Variants in UBE2R2 observed in about 807,000 individuals in gnomAD.
UBE2R2 encodes the protein ubiquitin conjugating enzyme E2 R2, also known as ubiquitin-conjugating enzyme E2 R2.
In UBE2R2, 1 loss-of-function variant was observed where a neutral mutation model predicts 27.8. The observed-to-expected ratio is 0.04, with a 90% confidence interval of 0.01 to 0.17. UBE2R2 has a LOEUF of 0.17. UBE2R2 is among the 10% of genes least tolerant of loss of function. The pLI, the probability that UBE2R2 is intolerant of heterozygous loss-of-function variation, is 1.00. For missense variants in UBE2R2, 100 were observed against 291.0 expected, an observed-to-expected ratio of 0.34 and a Z score of 4.78; for synonymous variants, 106 against 113.3, an observed-to-expected ratio of 0.94 and a Z score of 0.41.
chr9:33,882,814 G>A (rs922918446), intron 1 of UBE2R2, among the ~76,000 whole-genome samples: 8 of 152,132 alleles, frequency 5.3e-5, no homozygotes, highest in African/African-American at 1.7e-4. Context: ...TTGTGCCGAG[G>A]ATAGTGGCTG....
At chr9:33,824,450 C>T (rs1587423651) in intron 1 of UBE2R2, among the ~76,000 whole-genome samples, 1 of 151,972 alleles carries the variant, frequency 6.6e-6, no homozygotes, top group South Asian at 2.1e-4. Flanking sequence ...TCCTGGCTAA[C>T]GTGGTGAAAC....
intron 3 of UBE2R2, among the ~76,000 whole-genome samples, chr9:33,902,196 G>A (rs967558978): frequency 1.1e-4 from 17 of 152,126 alleles, no homozygotes; most frequent in African/African-American, 3.4e-4. Flanking sequence ...TTATAGGTGT[G>A]CCCCAAAGCA....
intron 1 of UBE2R2, among the ~76,000 whole-genome samples, chr9:33,819,555 T>C (rs1322104498): frequency 6.6e-6 from 1 of 152,236 alleles, no homozygotes; most frequent in Non-Finnish European, 1.5e-5. Flanking sequence ...GCTGTGTTTA[T>C]GATGAAGCAT....
chr9:33,851,198 CT>C (rs1401130110), intron 1 of UBE2R2, among the ~76,000 whole-genome samples: 2 of 151,608 alleles, frequency 1.3e-5, no homozygotes, highest in Non-Finnish European at 3.0e-5. Flanking sequence ...CAACCACAAA[CT>C]TACAAATTCA....
chr9:33,901,626 G>A lies in UBE2R2; in HGVS notation c.362+1355G>A, dbSNP rs116616435. ...CTAATAACTTGATTAGAATCTCCAG[G>A]TTTATCAAAAGTGAAGAATTGGAAG... On this transcript the variant is annotated intron_variant, in intron 3 of 4. Coordinates refer to ENST00000263228, the MANE Select transcript of UBE2R2 (RefSeq NM_017811.4). Among the ~76,000 whole-genome samples, 416 of 152,212 alleles carry A rather than the reference G, an allele frequency of 2.7e-3. 1 individual carries two copies. The highest frequency in any genetic ancestry group is 8.9e-3 in the African/African-American group (368 of 41,552).
intron 1 of UBE2R2, among the ~76,000 whole-genome samples, chr9:33,869,252 G>A (rs1422533804): frequency 2.6e-5 from 4 of 152,014 alleles, no homozygotes; most frequent in African/African-American, 9.7e-5. Context: ...CAGGGCAAGA[G>A]ACCCTGTCTC....
In UBE2R2 at chr9:33,895,658, C is replaced by T. The variant is rs979254814; in HGVS notation, c.265-4516C>T. 1.3e-3 allele frequency among the ~76,000 whole-genome samples: 203 copies of T among 151,758 alleles called. 2 individuals carry two copies. Among genetic ancestry groups the T allele is most frequent in the Non-Finnish European group, 1.9e-4 (13 of 67,970 alleles). ...CTGGGGAATAGAACCATCTTAACAT[C>T]GTAACTCTACATTTTTTAAGATCTT... On this transcript the variant is annotated intron_variant, in intron 2 of 4. Coordinates refer to ENST00000263228, the MANE Select transcript of UBE2R2 (RefSeq NM_017811.4).
intron 1 of UBE2R2, among the ~76,000 whole-genome samples, chr9:33,847,052 T>G (rs1313481916): frequency 6.6e-6 from 1 of 151,752 alleles, no homozygotes; most frequent in Non-Finnish European, 1.5e-5. Context: ...AGGCTGGGTT[T>G]TTTTCCCCCT....
chr9:33,883,139 G>T (rs1206339598), intron 1 of UBE2R2, among the ~76,000 whole-genome samples: 1 of 152,118 alleles, frequency 6.6e-6, no homozygotes, highest in Non-Finnish European at 1.5e-5. Context: ...TTTTACTTTT[G>T]TTCCTTGTGT....
At chr9:33,840,302 C>G (rs2130738514) in intron 1 of UBE2R2, among the ~76,000 whole-genome samples, 1 of 152,214 alleles carries the variant, frequency 6.6e-6, no homozygotes, top group East Asian at 1.9e-4. Flanking sequence ...CACTACTTCA[C>G]TCTCTCTCAG....
At chr9:33,819,372 G>C (rs1450111693) in intron 1 of UBE2R2, among the ~76,000 whole-genome samples, 1 of 152,154 alleles carries the variant, frequency 6.6e-6, no homozygotes, top group Non-Finnish European at 1.5e-5. Flanking sequence ...ACTGTATATA[G>C]TCACTGAGTA....
intron 2 of UBE2R2, 135 bp from the exon 3 acceptor site, chr9:33,900,039 G>T: frequency 1.8e-6 from 1 of 562,378 alleles, no homozygotes; most frequent in African/African-American, 1.9e-5. Context: ...CTTTGATGTT[G>T]AACATAAAAA....
rs550344634 is a variant in UBE2R2 at position 33,831,575 on chromosome 9, C to T, written c.177+13641C>T. Among the ~76,000 whole-genome samples the T allele has an allele frequency of 2.7e-4, 41 of 152,288 alleles. 1 individual carries two copies. Among genetic ancestry groups the T allele is most frequent in the Admixed American group, 5.9e-4 (9 of 15,280 alleles). ...GGGATTATAGGCATGCATCACCACA[C>T]CTGGCTAATTTTTGTATTTTTAGTA... On this transcript the variant is annotated intron_variant, in intron 1 of 4. Coordinates refer to ENST00000263228, the MANE Select transcript of UBE2R2 (RefSeq NM_017811.4).
At chr9:33,895,388 A>G (rs79234231) in intron 2 of UBE2R2, among the ~76,000 whole-genome samples, 5,513 of 152,282 alleles carry the variant, frequency 0.036, 324 homozygotes, top group African/African-American at 0.12. Context: ...TGGACTCTCA[A>G]TTGTAAATTA....
At position 33,877,823 on chromosome 9, in the gene UBE2R2, G is replaced by GTCTGTCTGTCTGTCTCTCTCTCTCTC; in HGVS notation, c.178-9055_178-9054insGTCTGTCTGTCTCTCTCTCTCTCTCT. Among the ~76,000 whole-genome samples the GTCTGTCTGTCTGTCTCTCTCTCTCTC allele has an allele frequency of 4.2e-4, 55 of 131,116 alleles. 1 individual carries two copies. The highest frequency in any genetic ancestry group is 1.6e-3 in the African/African-American group (48 of 30,334). The allele number at this position is 131,116 out of a possible 152,430, so 86.0% of individuals were successfully genotyped here. The stretch of plus-strand genomic sequence containing the variant: ...TCTCTGTCTGTCTGTCTGTCTGTCT[G>GTCTGTCTGTCTGTCTCTCTCTCTCTC]TCTCTCTCTCTCTCTCTCTCTCTCT... On this transcript the variant is annotated intron_variant, in intron 1 of 4. Transcript: ENST00000263228.
At chr9:33,818,713 A>G (rs1825897123) in intron 1 of UBE2R2, 1 of 152,088 alleles carries the variant, frequency 6.6e-6, no homozygotes, top group African/African-American at 2.4e-5. Flanking sequence ...AGAAGTATCC[A>G]CAAAGGGTGG....
chr9:33,839,458 G>A (rs938846716), intron 1 of UBE2R2, among the ~76,000 whole-genome samples: 4 of 151,440 alleles, frequency 2.6e-5, no homozygotes, highest in Admixed American at 6.6e-5. Context: ...GGCTGGTCTC[G>A]AACTCCTGAC....
intron 1 of UBE2R2, among the ~76,000 whole-genome samples, chr9:33,835,156 T>TTG (rs1554671406): frequency 6.7e-6 from 1 of 149,438 alleles, no homozygotes; most frequent in Non-Finnish European, 1.5e-5. Context: ...TTTTTTTTTT[T>TTG]TTTTTTTTTG....
intron 1 of UBE2R2, among the ~76,000 whole-genome samples, chr9:33,851,925 ATTATC>A (rs921887118): frequency 2.0e-5 from 3 of 152,162 alleles, no homozygotes; most frequent in Admixed American, 2.0e-4. Context: ...GTATTAAAAT[ATTATC>A]TACATCGAGA....
Sources: allele counts gnomAD v4.1 joint callset (sites outside exome capture counted in the v4.1 genomes callset), GRCh38; gene constraint gnomAD v4.1.1; transcripts MANE v1.5; gene names NCBI Gene and HGNC (gene_info 2026-07-23, HGNC 2026-07-21).